Variants in STAU2 observed in about 807,000 individuals in gnomAD.
STAU2 encodes the protein staufen double-stranded RNA binding protein 2.
Under a neutral mutation model 65.9 loss-of-function variants are expected in STAU2, and 20 were observed. The observed-to-expected ratio is 0.30, with a 90% CI of 0.21 to 0.44. The LOEUF is 0.44. Ranked by LOEUF, STAU2 falls within the 20% of genes least tolerant of loss-of-function variation. STAU2 has a pLI of 1.00. For synonymous variants in STAU2, 232 were observed against 233.9 expected (o/e 0.99, Z 0.07); for missense variants, 558 against 683.9 (o/e 0.82, Z 2.05).
At chr8:73,481,520 A>C (rs937072946) in intron 13 of STAU2, among the ~76,000 whole-genome samples, 4 of 141,640 alleles carry the variant, frequency 2.8e-5, no homozygotes, top group East Asian at 2.3e-4. Context: ...AAAAAACAAA[A>C]AAAAAAAACA....
intron 11 of STAU2, among the ~76,000 whole-genome samples, chr8:73,584,296 C>A (rs1161214818): frequency 2.0e-5 from 3 of 152,122 alleles, no homozygotes; most frequent in African/African-American, 7.2e-5. Flanking sequence ...TAACCTTTGA[C>A]TGCAAAATGC....
At chr8:73,527,474 T>C (rs967877841) in intron 13 of STAU2, 2 of 398,874 alleles carry the variant, frequency 5.0e-6, no homozygotes, top group Admixed American at 7.4e-5. Context: ...TTTAAAATAA[T>C]AATGAACTGC....
chr8:73,584,018 T>C (rs16938698), intron 11 of STAU2, among the ~76,000 whole-genome samples: 1,706 of 152,342 alleles, frequency 0.011, 32 homozygotes, highest in African/African-American at 0.038. Context: ...TTTACCCATG[T>C]TCATTTTTAA....
chr8:73,432,037 G>GT (rs1389075472), intron 13 of STAU2, among the ~76,000 whole-genome samples: 1 of 152,054 alleles, frequency 6.6e-6, no homozygotes, highest in Non-Finnish European at 1.5e-5. Context: ...TTTTTATTTT[G>GT]TCTTTTTCCA....
At chr8:73,647,781 T>C (rs1182856357) in intron 6 of STAU2, among the ~76,000 whole-genome samples, 3 of 152,156 alleles carry the variant, frequency 2.0e-5, no homozygotes, top group African/African-American at 4.8e-5. Context: ...GATCTCACTA[T>C]GTTGCCCAGG....
chr8:73,556,546 A>C (rs1029395411), intron 12 of STAU2, among the ~76,000 whole-genome samples: 2 of 152,178 alleles, frequency 1.3e-5, no homozygotes, highest in African/African-American at 4.8e-5. Context: ...TCACGAGGTC[A>C]GGAGTTCGAG....
intron 13 of STAU2, among the ~76,000 whole-genome samples, chr8:73,496,619 T>C (rs1394788642): frequency 6.6e-6 from 1 of 151,776 alleles, no homozygotes; most frequent in Non-Finnish European, 1.5e-5. Context: ...CATATGTAAT[T>C]TTTGTAGCCA....
intron 3 of STAU2, among the ~76,000 whole-genome samples, chr8:73,736,337 T>G (rs889706276): frequency 6.6e-6 from 1 of 152,200 alleles, no homozygotes; most frequent in Non-Finnish European, 1.5e-5. Flanking sequence ...ATGAAAACTA[T>G]TTACATTGTT....
rs756263303 is a variant in STAU2, at chr8:73,613,735, T to G, written c.891+9A>C. ...TAAAACTGACTGATGTTCACAAATATAAACTTACCTTTACTATTGTTTTAG... is the reference window on the plus strand; with the variant it reads ...TAAAACTGACTGATGTTCACAAATAGAAACTTACCTTTACTATTGTTTTAG... On this transcript the variant is annotated intron_variant, in intron 9 of 14. Coordinates refer to ENST00000524300, the MANE Select transcript of STAU2 (RefSeq NM_001164380.2). 1 of 1,594,756 alleles carries G rather than the reference T, an allele frequency of 6.3e-7. No homozygotes were observed. The highest frequency in any genetic ancestry group is 8.5e-7 in the Non-Finnish European group (1 of 1,172,244).
intron 1 of STAU2, 142 bp downstream of exon 1, chr8:73,746,641 G>C (rs927500812): frequency 2.5e-6 from 1 of 407,478 alleles, no homozygotes. Flanking sequence ...GGAAGGCGCG[G>C]GGGAGGGGAG....
intron 10 of STAU2, 68 bp downstream of exon 10, chr8:73,603,658 C>A: frequency 1.9e-6 from 3 of 1,543,762 alleles, no homozygotes; most frequent in Non-Finnish European, 2.6e-6. Context: ...GTTTGCCTTT[C>A]GCCCAAATGC....
intron 13 of STAU2, among the ~76,000 whole-genome samples, chr8:73,505,303 G>T: frequency 6.6e-6 from 1 of 152,080 alleles, no homozygotes; most frequent in East Asian, 1.9e-4. Flanking sequence ...GTCAGGATCA[G>T]TTTACTGGGC....
intron 5 of STAU2, among the ~76,000 whole-genome samples, chr8:73,679,758 C>G (rs1015235035): frequency 6.6e-6 from 1 of 150,908 alleles, no homozygotes; most frequent in African/African-American, 2.4e-5. Flanking sequence ...CAAGGTGGTG[C>G]ACACCTGTAA....
intron 13 of STAU2, among the ~76,000 whole-genome samples, chr8:73,448,646 G>A (rs1193050101): frequency 6.6e-6 from 1 of 152,202 alleles, no homozygotes; most frequent in African/African-American, 2.4e-5. Context: ...CAGTTGCTCA[G>A]AAACTGGGGT....
intron 1 of STAU2, among the ~76,000 whole-genome samples, chr8:73,740,917 A>T (rs1200617535): frequency 1.5e-4 from 23 of 149,946 alleles, no homozygotes; most frequent in Non-Finnish European, 1.5e-5. Flanking sequence ...AGAAGAAATA[A>T]ATGCTTGAAC....
At chr8:73,704,195 C>A (rs185812709) in intron 4 of STAU2, among the ~76,000 whole-genome samples, 1 of 152,320 alleles carries the variant, frequency 6.6e-6, no homozygotes, top group East Asian at 1.9e-4. Flanking sequence ...TACATACAAT[C>A]AGCCAAATTC....
Position 73,538,703 on chromosome 8 carries a change from C to T in STAU2, c.1530+13309G>A, listed in dbSNP as rs187917858. ...AAAAAAAAAAAAATAGTAACATAGGCCTATGCATGAGAATCATAGTAATGG... is the reference window on the plus strand; with the variant it reads ...AAAAAAAAAAAAATAGTAACATAGGTCTATGCATGAGAATCATAGTAATGG... On this transcript the variant is annotated intron_variant, in intron 13 of 14. Transcript: ENST00000524300. Among the ~76,000 whole-genome samples the T allele has an allele frequency of 2.0e-4, 30 of 151,272 alleles. No homozygotes were observed. The East Asian group carries it at 5.8e-3, about 29-fold the overall frequency.
At chr8:73,435,102 C>A (rs893034688) in intron 13 of STAU2, among the ~76,000 whole-genome samples, 1 of 151,854 alleles carries the variant, frequency 6.6e-6, no homozygotes, top group Non-Finnish European at 1.5e-5. Context: ...GATGCCCCCC[C>A]TGGACCTTCT....
chr8:73,737,234 G>A (rs1361292867), intron 3 of STAU2, among the ~76,000 whole-genome samples: 5 of 150,848 alleles, frequency 3.3e-5, no homozygotes, highest in Admixed American at 1.3e-4. Flanking sequence ...GCAATGGCAC[G>A]ATCTTGGCTC....
Sources: gnomAD v4.1 joint callset for allele counts (sites outside exome capture counted in the v4.1 genomes callset) on GRCh38, gnomAD v4.1.1 for gene constraint, MANE v1.5 for transcripts, NCBI Gene and HGNC (gene_info 2026-07-23, HGNC 2026-07-21) for gene names.